The following PTPN4 variants were observed in gnomAD, a reference collection of about 807,000 sequenced individuals.
PTPN4 encodes protein tyrosine phosphatase non-receptor type 4, also known as tyrosine-protein phosphatase non-receptor type 4.
In PTPN4, 49 loss-of-function variants were observed where a neutral mutation model predicts 135.5. The ratio of observed to expected loss-of-function variants is 0.36; its 90% CI spans 0.29 to 0.46. PTPN4 has a LOEUF of 0.46. Ranked by LOEUF, PTPN4 falls within the 20% of genes least tolerant of loss-of-function variation. The pLI, the probability that PTPN4 is intolerant of heterozygous loss-of-function variation, is 1.00. For missense variants in PTPN4, 860 were observed against 1,101.0 expected, an observed-to-expected ratio of 0.78 and a Z score of 3.10; for synonymous variants, 333 against 369.9, an observed-to-expected ratio of 0.90 and a Z score of 1.14.
intron 9 of PTPN4, among the ~76,000 whole-genome samples, chr2:119,899,251 G>C (rs1380179867): frequency 6.6e-6 from 1 of 152,194 alleles, no homozygotes; most frequent in Non-Finnish European, 1.5e-5. Flanking sequence ...TCCAGTTGGA[G>C]TGGGATTATG....
chr2:119,806,730 T>C (rs946251248), intron 1 of PTPN4, among the ~76,000 whole-genome samples: 4 of 152,142 alleles, frequency 2.6e-5, no homozygotes, highest in Non-Finnish European at 5.9e-5. Flanking sequence ...GCGGACCTAA[T>C]AGACATCTAC....
chr2:119,969,805 G>A (rs1007256126), intron 26 of PTPN4, among the ~76,000 whole-genome samples: 2 of 151,926 alleles, frequency 1.3e-5, no homozygotes, highest in Non-Finnish European at 2.9e-5. Context: ...TGATCCACCC[G>A]CCTTGGCCTT....
chr2:119,770,805 T>C (rs1201492917), intron 1 of PTPN4, among the ~76,000 whole-genome samples: 2 of 152,180 alleles, frequency 1.3e-5, no homozygotes, highest in Non-Finnish European at 2.9e-5. Context: ...CACCTCTTTC[T>C]GTATGAACTA....
intron 15 of PTPN4, among the ~76,000 whole-genome samples, chr2:119,941,891 G>A (rs1413096365): frequency 6.6e-6 from 1 of 152,288 alleles, no homozygotes; most frequent in East Asian, 1.9e-4. Context: ...GGAGATTTGT[G>A]TAGATTATAG....
intron 1 of PTPN4, among the ~76,000 whole-genome samples, chr2:119,784,318 A>C (rs113990746): frequency 3.0e-4 from 41 of 136,110 alleles, no homozygotes; most frequent in African/African-American, 1.1e-3. Flanking sequence ...GGGCTCAATC[A>C]GTCTTCCTGC....
At chr2:119,786,355 G>A (rs1691047611) in intron 1 of PTPN4, among the ~76,000 whole-genome samples, 1 of 152,162 alleles carries the variant, frequency 6.6e-6, no homozygotes, top group African/African-American at 2.4e-5. Flanking sequence ...CTACTGCTGT[G>A]TAACCATCCC....
At position 119,848,011 on chromosome 2, in the gene PTPN4, CT is replaced by C. The variant is rs572898580; in HGVS notation, c.139-14522del. ...TTTCTTTTGCTGCTTTCAAGATATT[CT>C]TTGTTTTTTGGGGGCATTTTTACTC... is the stretch of plus-strand genomic sequence containing the variant. On this transcript the variant is annotated intron_variant, in intron 2 of 26. Coordinates refer to ENST00000263708, the MANE Select transcript of PTPN4 (RefSeq NM_002830.4). Among the ~76,000 whole-genome samples, 22 of 151,314 alleles carry C rather than the reference CT, an allele frequency of 1.5e-4. No individual in the cohort carries two copies. In the East Asian group the frequency reaches 4.3e-3, roughly 29 times the overall value.
intron 9 of PTPN4, among the ~76,000 whole-genome samples, chr2:119,898,643 TTAA>T (rs1412490467): frequency 6.6e-6 from 1 of 152,172 alleles, no homozygotes; most frequent in African/African-American, 2.4e-5. Flanking sequence ...TAGTACAGTA[TTAA>T]TAAGTGATAT....
chr2:119,884,214 A>G (rs1403777559), intron 8 of PTPN4, among the ~76,000 whole-genome samples: 3 of 152,230 alleles, frequency 2.0e-5, no homozygotes, highest in Admixed American at 1.3e-4. Context: ...GCCTATTTTT[A>G]TATGGCCCAC....
chr2:119,966,378 C>T (rs1194052673), intron 25 of PTPN4, among the ~76,000 whole-genome samples: 1 of 152,130 alleles, frequency 6.6e-6, no homozygotes, highest in African/African-American at 2.4e-5. Context: ...CCTGCCTCAG[C>T]CCCCGGAGTA....
chr2:119,827,582 T>A (rs1235821800), intron 2 of PTPN4, among the ~76,000 whole-genome samples: 3 of 152,170 alleles, frequency 2.0e-5, no homozygotes, highest in African/African-American at 7.2e-5. Context: ...AGAACAAATC[T>A]TAAATGTAAG....
At chr2:119,836,614 G>T (rs1302372556) in intron 2 of PTPN4, among the ~76,000 whole-genome samples, 1 of 152,196 alleles carries the variant, frequency 6.6e-6, no homozygotes, top group African/African-American at 2.4e-5. Context: ...CCCTTCTGGG[G>T]GCAACTGCAG....
At chr2:119,766,840 A>G (rs1168681635) in intron 1 of PTPN4, among the ~76,000 whole-genome samples, 1 of 152,166 alleles carries the variant, frequency 6.6e-6, no homozygotes, top group African/African-American at 2.4e-5. Context: ...CTGAGAGTCC[A>G]TTTGGACATG....
At chr2:119,815,107 A>G (rs1024146566) in intron 2 of PTPN4, among the ~76,000 whole-genome samples, 5 of 152,176 alleles carry the variant, frequency 3.3e-5, no homozygotes, top group African/African-American at 9.6e-5. Flanking sequence ...TTTGCCATGC[A>G]TAAGTCTGTT....
intron 2 of PTPN4, among the ~76,000 whole-genome samples, chr2:119,821,022 C>T (rs1249520375): frequency 6.6e-6 from 1 of 151,454 alleles, no homozygotes; most frequent in East Asian, 1.9e-4. Flanking sequence ...AGTAGCTCTT[C>T]CTCTTAAATA....
In PTPN4 at chr2:119,979,351, G is replaced by T. The variant is rs146936670; in HGVS notation, c.*2281G>T. On this transcript the variant is annotated 3_prime_UTR_variant, in exon 27 of 27. Transcript: ENST00000263708. ...TACTTGTGAGTTTAATAATTTCTTGGCAATGAGCACTGCTGCCTTTTTAAA... is the reference window on the plus strand; with the variant it reads ...TACTTGTGAGTTTAATAATTTCTTGTCAATGAGCACTGCTGCCTTTTTAAA... 1 of 152,138 alleles carries T rather than the reference G, an allele frequency of 6.6e-6. No homozygotes were observed. The highest frequency in any genetic ancestry group is 6.5e-5 in the Admixed American group (1 of 15,288). 9.4% of individuals were successfully genotyped at this position (152,138 alleles called of 1,614,324 possible). A position where few individuals can be genotyped will look rare whatever the true frequency, so the allele number is the denominator to read the frequency against.
intron 7 of PTPN4, among the ~76,000 whole-genome samples, 161 bp from the exon 8 acceptor site, chr2:119,882,342 C>T (rs1678092471): frequency 6.6e-6 from 1 of 152,046 alleles, no homozygotes; most frequent in Non-Finnish European, 1.5e-5. Flanking sequence ...GAAATTGAGA[C>T]CAAGAAGAAT....
At chr2:119,835,953 C>T (rs948956073) in intron 2 of PTPN4, among the ~76,000 whole-genome samples, 2 of 151,914 alleles carry the variant, frequency 1.3e-5, no homozygotes, top group Admixed American at 6.6e-5. Context: ...CCTGTAATCC[C>T]AGCTACTTGG....
intron 3 of PTPN4, among the ~76,000 whole-genome samples, chr2:119,874,495 C>T (rs545307958): frequency 5.3e-5 from 8 of 152,246 alleles, no homozygotes; most frequent in Admixed American, 3.3e-4. Flanking sequence ...AAAACCTTGT[C>T]TGTGAAAGCA....
Sources: gnomAD v4.1 joint callset for allele counts (sites outside exome capture counted in the v4.1 genomes callset) on GRCh38, gnomAD v4.1.1 for gene constraint, MANE v1.5 for transcripts, NCBI Gene and HGNC (gene_info 2026-07-23, HGNC 2026-07-21) for gene names.